The following KAZN variants were observed in gnomAD, a reference collection of about 807,000 sequenced individuals.
KAZN encodes kazrin.
In KAZN, 40 loss-of-function variants were observed where a neutral mutation model predicts 87.4. That is an observed-to-expected ratio of 0.46 (90% CI 0.36 to 0.60). KAZN has a LOEUF of 0.60. KAZN is among the 20% of genes least tolerant of loss of function. The pLI is 0.00. For synonymous variants in KAZN, 466 were observed against 458.3 expected, an observed-to-expected ratio of 1.02 and a Z score of -0.22; for missense variants, 898 against 1,073.9, an observed-to-expected ratio of 0.84 and a Z score of 2.29.
chr1:14,295,968 C>A (rs1328838682), intron 2 of KAZN, among the ~76,000 whole-genome samples: 1 of 152,122 alleles, frequency 6.6e-6, no homozygotes, highest in Non-Finnish European at 1.5e-5. Flanking sequence ...GAATTCTGAC[C>A]TCACTACTTT....
chr1:14,199,395 C>T (rs1012648816), intron 2 of KAZN, among the ~76,000 whole-genome samples: 1 of 152,208 alleles, frequency 6.6e-6, no homozygotes, highest in Non-Finnish European at 1.5e-5. Flanking sequence ...CATCACTCCT[C>T]AGGTCTCAGT....
chr1:14,131,287 G>C (rs1421257510), intron 1 of KAZN, among the ~76,000 whole-genome samples: 3 of 152,150 alleles, frequency 2.0e-5, no homozygotes, highest in African/African-American at 7.2e-5. Flanking sequence ...ATTTGAGTGG[G>C]GACACGTAGC....
intron 1 of KAZN, among the ~76,000 whole-genome samples, chr1:14,650,927 T>G (rs188061223): frequency 6.6e-6 from 1 of 152,252 alleles, no homozygotes; most frequent in East Asian, 1.9e-4. Flanking sequence ...ATACTGACTT[T>G]CCCAAATGCT....
intron 2 of KAZN, among the ~76,000 whole-genome samples, chr1:14,971,680 T>C (rs1327954170): frequency 2.1e-5 from 3 of 142,520 alleles, no homozygotes; most frequent in Non-Finnish European, 4.5e-5. Flanking sequence ...TTTTTCTTTT[T>C]CTTTTTTTTT....
At chr1:14,510,308 G>A (rs1013945626) in intron 2 of KAZN, among the ~76,000 whole-genome samples, 1 of 151,796 alleles carries the variant, frequency 6.6e-6, no homozygotes, top group Non-Finnish European at 1.5e-5. Flanking sequence ...AACCCAGGGG[G>A]TGGAGGTTGC....
chr1:13,961,500 T>G (rs1037211393), intron 1 of KAZN, among the ~76,000 whole-genome samples: 3 of 152,188 alleles, frequency 2.0e-5, no homozygotes, highest in African/African-American at 7.2e-5. Flanking sequence ...TGATATTTAA[T>G]GAAGGCCCAA....
intron 1 of KAZN, among the ~76,000 whole-genome samples, chr1:14,733,966 G>T (rs1643803310): frequency 6.6e-6 from 1 of 152,194 alleles, no homozygotes; most frequent in Non-Finnish European, 1.5e-5. Flanking sequence ...CACAGCTCCT[G>T]CCCTGGCTTC....
intron 2 of KAZN, among the ~76,000 whole-genome samples, chr1:14,589,497 G>T (rs558933914): frequency 1.3e-5 from 2 of 152,324 alleles, no homozygotes; most frequent in African/African-American, 4.8e-5. Flanking sequence ...TAGGGCAGAT[G>T]GCTGCAGGAA....
intron 1 of KAZN, among the ~76,000 whole-genome samples, chr1:14,906,173 ATAT>A (rs199774777): frequency 0.18 from 8,830 of 49,526 alleles, 517 homozygotes; most frequent in African/African-American, 0.24. Context: ...CTCAAAAAAT[ATAT>A]TATAATAATA....
intron 1 of KAZN, among the ~76,000 whole-genome samples, chr1:14,783,651 G>T (rs1645420370): frequency 6.6e-6 from 1 of 152,194 alleles, no homozygotes. Flanking sequence ...ATCTGGGTAT[G>T]GAGGGAAGAG....
At chr1:14,683,196 C>T (rs937496290) in intron 1 of KAZN, among the ~76,000 whole-genome samples, 4 of 152,128 alleles carry the variant, frequency 2.6e-5, no homozygotes, top group African/African-American at 9.7e-5. Context: ...GTAGGAACGA[C>T]CCTGATAAAA....
At chr1:14,445,742 G>A (rs1297515857) in intron 2 of KAZN, among the ~76,000 whole-genome samples, 1 of 152,154 alleles carries the variant, frequency 6.6e-6, no homozygotes, top group Non-Finnish European at 1.5e-5. Context: ...GGGGAACTCT[G>A]GGAGACAGCA....
At position 14,299,781 on chromosome 1, in the gene KAZN, G is replaced by C. The variant is rs146910167; in HGVS notation, c.249+119189G>C. ...ACCCAGTCATCTGAACACATTTAAA[G>C]CTTCTGCTCACATCACATTTACTAA... On this transcript the variant is annotated intron_variant, in intron 2 of 16. Coordinates refer to the KAZN transcript ENST00000636203. Among the ~76,000 whole-genome samples, 578 of 152,304 alleles carry C rather than the reference G, an allele frequency of 3.8e-3. 5 individuals carry two copies. Among genetic ancestry groups the C allele is most frequent in the African/African-American group, 0.013 (560 of 41,564 alleles).
At chr1:14,973,422 G>A (rs1302726335) in intron 2 of KAZN, among the ~76,000 whole-genome samples, 1 of 152,226 alleles carries the variant, frequency 6.6e-6, no homozygotes, top group Non-Finnish European at 1.5e-5. Flanking sequence ...GAGCACACCT[G>A]AACAAAGGGG....
chr1:14,958,782 T>C (rs976482916), intron 1 of KAZN, among the ~76,000 whole-genome samples: 2 of 152,130 alleles, frequency 1.3e-5, no homozygotes, highest in Non-Finnish European at 2.9e-5. Flanking sequence ...GGGCTGCCCT[T>C]GGCCCCTCCC....
intron 1 of KAZN, among the ~76,000 whole-genome samples, chr1:14,914,244 A>G (rs1657555522): frequency 6.6e-6 from 1 of 152,078 alleles, no homozygotes; most frequent in Non-Finnish European, 1.5e-5. Flanking sequence ...CACTTTGAGA[A>G]CCGCTGCCCT....
At chr1:13,944,215 G>A (rs541817688) in intron 1 of KAZN, among the ~76,000 whole-genome samples, 22 of 152,296 alleles carry the variant, frequency 1.4e-4, no homozygotes, top group East Asian at 7.7e-4. Flanking sequence ...ACGGATACGC[G>A]TTACATCATA....
intron 2 of KAZN, among the ~76,000 whole-genome samples, chr1:14,243,180 T>C (rs1649135243): frequency 6.6e-6 from 1 of 152,162 alleles, no homozygotes; most frequent in South Asian, 2.1e-4. Context: ...TTCGCCATTA[T>C]TCCTTCTCTT....
intron 1 of KAZN, among the ~76,000 whole-genome samples, chr1:13,902,558 A>T (rs1205752725): frequency 6.6e-6 from 1 of 152,186 alleles, no homozygotes; most frequent in Non-Finnish European, 1.5e-5. Context: ...GACAGGGAAG[A>T]GGGGGAATAA....
Sources: gnomAD v4.1 joint callset for allele counts (sites outside exome capture counted in the v4.1 genomes callset) on GRCh38, gnomAD v4.1.1 for gene constraint, MANE v1.5 for transcripts, NCBI Gene and HGNC (gene_info 2026-07-23, HGNC 2026-07-21) for gene names.